SPTBN4: variants seen among roughly 807,000 people sequenced by gnomAD.
SPTBN4 encodes the protein spectrin beta, non-erythrocytic 4, also known as spectrin beta chain, non-erythrocytic 4.
A neutral mutation model predicts 277.8 loss-of-function variants in SPTBN4; 96 were observed. The ratio of observed to expected loss-of-function variants is 0.35; its 90% confidence interval spans 0.29 to 0.41. The LOEUF (loss-of-function observed/expected upper bound fraction) is 0.41, where lower values mean the gene tolerates loss of function less well. Ranked by LOEUF, SPTBN4 falls within the 10% of genes least tolerant of loss-of-function variation. The pLI is 1.00. For synonymous variants in SPTBN4, 1,481 were observed against 1,580.3 expected (o/e 0.94, Z 1.49); for missense variants, 3,006 against 3,595.7 (o/e 0.84, Z 4.19).
chr19:40,504,172 A>C, intron 12 of SPTBN4, 40 bp downstream of exon 12: 1 of 1,442,794 alleles, frequency 6.9e-7, no homozygotes. Context: ...GAGTGCCAGG[A>C]GGGAGGGGAG....
Position 40,486,371 on chromosome 19 carries a change from C to CT in SPTBN4, c.170-1310dup, listed in dbSNP as rs540832411. ...TCCTCACACATTGCTGGTGCAGCAA[C>CT]TTTTTTTTTTTTTTTTGAGACAGGG... On this transcript the variant is annotated intron_variant, in intron 2 of 35. Coordinates refer to ENST00000598249, the MANE Select transcript of SPTBN4 (RefSeq NM_020971.3). Among the ~76,000 whole-genome samples the CT allele has an allele frequency of 8.9e-3, 1,253 of 141,422 alleles. 8 individuals are homozygous for CT. The highest frequency in any genetic ancestry group is 0.021 in the African/African-American group (828 of 38,750). 92.8% of individuals were successfully genotyped at this position (141,422 alleles called of 152,430 possible).
intron 12 of SPTBN4, 108 bp downstream of exon 12, chr19:40,504,240 T>C (rs1453386734): frequency 7.8e-6 from 9 of 1,147,556 alleles, no homozygotes; most frequent in East Asian, 2.5e-5. Flanking sequence ...AGGGCAGAGA[T>C]AGAAGAAGAT....
In SPTBN4 at chr19:40,534,125, G is replaced by T. The variant is rs34951265; in HGVS notation, c.4141G>T (p.Val1381Leu). The T allele has an allele frequency of 6.2e-7, 1 of 1,611,116 alleles. No individual in the cohort carries two copies. Among genetic ancestry groups the T allele is most frequent in the Admixed American group, 1.7e-5 (1 of 59,822 alleles). ...MQEKPELAASVRKKLGEIRQC... is the reference protein window; with the variant it reads ...MQEKPELAASLRKKLGEIRQC... Reference sequence around the variant, plus strand: ...GGAGAAGCCCGAACTGGCGGCCTCCGTGCGGAAGAAGCTGGGCGAGATCCG... The same window carrying T: ...GGAGAAGCCCGAACTGGCGGCCTCCTTGCGGAAGAAGCTGGGCGAGATCCG... Residue 1381 changes from valine (V) to leucine (L), a missense_variant, in exon 20 of 36, where the codon GTG (valine) becomes TTG (leucine). Val to Leu is a conservative substitution (Grantham distance 32). Transcript: ENST00000598249.
chr19:40,542,439 A>G (rs1019066515), intron 20 of SPTBN4, among the ~76,000 whole-genome samples: 1 of 152,110 alleles, frequency 6.6e-6, no homozygotes, highest in African/African-American at 2.4e-5. Flanking sequence ...TGGAGTCTCA[A>G]GTCCTGGCTC....
rs34066431 is a variant in SPTBN4 at position 40,525,320 on chromosome 19, C to CTT, written c.3857+1699_3857+1700dup. 1.2e-3 allele frequency among the ~76,000 whole-genome samples: 163 copies of CTT among 130,604 alleles called. 1 individual carries two copies. The highest frequency in any genetic ancestry group is 2.0e-3 in the Admixed American group (26 of 12,886). The allele number at this position is 130,604 out of a possible 152,430, so 85.7% of individuals were successfully genotyped here. A position where few individuals can be genotyped will look rare whatever the true frequency, so the allele number is the denominator to read the frequency against. ...AGGCCTGGATCCTTCCTTTGTTCCA[C>CTT]TTTTTTTTTTTTTTTTTTTGAGACA... On this transcript the variant is annotated intron_variant, in intron 17 of 35. Coordinates refer to ENST00000598249, the MANE Select transcript of SPTBN4 (RefSeq NM_020971.3).
intron 35 of SPTBN4, among the ~76,000 whole-genome samples, chr19:40,573,900 G>A (rs999170469): frequency 6.6e-6 from 1 of 152,114 alleles, no homozygotes; most frequent in Non-Finnish European, 1.5e-5. Flanking sequence ...AGGAGATCGA[G>A]ACCATCCTGG....
intron 11 of SPTBN4, among the ~76,000 whole-genome samples, 177 bp downstream of exon 11, chr19:40,503,110 G>A (rs2080282672): frequency 1.3e-5 from 2 of 152,114 alleles, no homozygotes; most frequent in Admixed American, 6.6e-5. Flanking sequence ...TTGGGTGAGG[G>A]GAATGGGCCT....
chr19:40,509,700 A>G (rs1026088172), intron 13 of SPTBN4, among the ~76,000 whole-genome samples: 2 of 152,160 alleles, frequency 1.3e-5, no homozygotes, highest in Non-Finnish European at 2.9e-5. Flanking sequence ...CTCTCCATTA[A>G]GATGTTCTCC....
chr19:40,536,090 G>C (rs1460960881), intron 20 of SPTBN4, among the ~76,000 whole-genome samples: 1 of 152,106 alleles, frequency 6.6e-6, no homozygotes, highest in Admixed American at 6.6e-5. Flanking sequence ...TTCTGGTTGG[G>C]GGAACAAGCA....
Position 40,550,310 on chromosome 19 carries a change from C to T in SPTBN4, c.4657C>T (p.His1553Tyr). ...CAACGGTTTGCAGGCGGTCCAGCAGCACATCAAAAAGAACCAGGTGAGCAG... is the reference window on the plus strand; with the variant it reads ...CAACGGTTTGCAGGCGGTCCAGCAGTACATCAAAAAGAACCAGGTGAGCAG... ...RGNGLQAVQQ[H>Y]IKKNQGLRRE... Residue 1553 changes from histidine (H) to tyrosine (Y), a missense_variant, in exon 22 of 36, where the codon CAC (histidine) becomes TAC (tyrosine). His to Tyr is a moderately conservative substitution (Grantham distance 83, BLOSUM62 2). Around this residue, in one of 5 missense-constraint regions of SPTBN4, gnomAD observed 1,759 missense variants for 2,061.5 expected, o/e 0.85. Transcript: ENST00000598249. 1 of 1,609,756 alleles carries T rather than the reference C, an allele frequency of 6.2e-7. No homozygotes were observed. Among genetic ancestry groups the T allele is most frequent in the African/African-American group, 1.3e-5 (1 of 74,986 alleles).
intron 17 of SPTBN4, among the ~76,000 whole-genome samples, chr19:40,527,100 G>A (rs1275520995): frequency 2.6e-5 from 4 of 152,054 alleles, no homozygotes; most frequent in African/African-American, 9.7e-5. Flanking sequence ...CTTCTCTCTG[G>A]TTCTGTCTCT....
rs1345347572 is a variant in SPTBN4, at chr19:40,512,856, T to A, written c.2067T>A (p.His689Gln). 6.9e-7 allele frequency: 1 copy of A among 1,459,756 alleles called. No homozygotes were observed. The highest frequency in any genetic ancestry group is 8.9e-7 in the Non-Finnish European group (1 of 1,118,896). The allele number at this position is 1,459,756 out of a possible 1,614,324, so 90.4% of individuals were successfully genotyped here. A position where few individuals can be genotyped will look rare whatever the true frequency, so the allele number is the denominator to read the frequency against. Residue 689 changes from histidine (H) to glutamine (Q), a missense_variant, in exon 14 of 36, where the codon CAT (histidine) becomes CAA (glutamine). This residue lies in a region of SPTBN4 where 1,759 missense variants were observed against 2,061.5 expected (regional missense o/e 0.85). Coordinates refer to ENST00000598249, the MANE Select transcript of SPTBN4 (RefSeq NM_020971.3). ...CAGCGGGAACAGCGGGCGGCGCGCA[T>A]GACCTGTCCAGCACAGCGCGCCTCC... Reference protein sequence around the residue: ...AGAAGTAGGAHDLSSTARLLA... With the variant: ...AGAAGTAGGAQDLSSTARLLA...
At chr19:40,536,461 G>A (rs1042309442) in intron 20 of SPTBN4, among the ~76,000 whole-genome samples, 3 of 152,030 alleles carry the variant, frequency 2.0e-5, no homozygotes, top group South Asian at 2.1e-4. Context: ...TGATTCACCC[G>A]CCTTGGCCTC....
rs1404481570 is a variant in SPTBN4, at chr19:40,480,686, C to T, written c.170-7011C>T. Among the ~76,000 whole-genome samples the T allele has an allele frequency of 2.0e-5, 3 of 152,086 alleles. No individual in the cohort carries two copies. The South Asian group carries it at 6.2e-4, about 32-fold the overall frequency. ...TCCTTCTCCTTGCTGTATAGTGTTG[C>T]GTGGTGTGAATGTACCACAGTGTGT... On this transcript the variant is annotated intron_variant, in intron 2 of 35. Coordinates refer to ENST00000598249, the MANE Select transcript of SPTBN4 (RefSeq NM_020971.3).
In SPTBN4 at chr19:40,519,569, T is replaced by C. The variant is rs1599758864; in HGVS notation, c.3072T>C (p.Leu1024=). 1 of 1,543,054 alleles carries C rather than the reference T, an allele frequency of 6.5e-7. No individual in the cohort carries two copies. The highest frequency in any genetic ancestry group is 1.2e-5 in the South Asian group (1 of 83,894). The change falls in exon 16 of 36, where the codon CTT becomes CTC. Residue 1024 remains leucine, a synonymous_variant. Transcript: ENST00000598249. This position sits in a 1 kb window ranked among gnomAD's most constrained non-coding sequence, Gnocchi z 5.7. ...CCGGCGGCGCCCTGCAGTGGCGTCT[T>C]AGCGGCCTAGAGGCCGCTCTGCAGG... ...PRAGGALQWR[L]SGLEAALQAL...
At chr19:40,477,634 T>C (rs1395247402) in intron 2 of SPTBN4, among the ~76,000 whole-genome samples, 3 of 152,156 alleles carry the variant, frequency 2.0e-5, no homozygotes, top group Admixed American at 2.0e-4. Context: ...TGATCCAGCC[T>C]GGAGAATCAA....
chr19:40,528,043 G>A (rs1378440264), intron 17 of SPTBN4, among the ~76,000 whole-genome samples: 9 of 128,510 alleles, frequency 7.0e-5, no homozygotes, highest in Non-Finnish European at 1.3e-4. Flanking sequence ...GCGATGGAGC[G>A]AGACTCCATC....
chr19:40,575,689 ATGG>A lies in SPTBN4; in HGVS notation c.*124_*126del. 1 of 1,277,942 alleles carries A rather than the reference ATGG, an allele frequency of 7.8e-7. No individual in the cohort carries two copies. The highest frequency in any genetic ancestry group is 1.6e-5 in the South Asian group (1 of 63,584). 79.2% of individuals were successfully genotyped at this position (1,277,942 alleles called of 1,614,324 possible). On this transcript the variant is annotated 3_prime_UTR_variant, in exon 36 of 36. Transcript: ENST00000598249. ...AGTTCCAACACTGAGGACGCGTGAC[ATGG>A]TGGGCACCGGAAAGGAGGGGACTTC...
intron 22 of SPTBN4, among the ~76,000 whole-genome samples, chr19:40,551,397 T>TCA (rs1260006283): frequency 1.6e-4 from 19 of 118,150 alleles, no homozygotes; most frequent in South Asian, 4.7e-4. Context: ...TCTCTCTCTC[T>TCA]CTCACACACA....
Sources: allele counts gnomAD v4.1 joint callset (sites outside exome capture counted in the v4.1 genomes callset), GRCh38; gene constraint gnomAD v4.1.1; regional missense constraint gnomAD v4.1.1; non-coding constraint Gnocchi (gnomAD v3.1); transcripts MANE v1.5; gene names NCBI Gene and HGNC (gene_info 2026-07-23, HGNC 2026-07-21).